NAGPA: variants seen among roughly 807,000 people sequenced by gnomAD.
NAGPA encodes the protein alpha-N-acetylglucosaminyl phosphodiesterase.
Under a neutral mutation model 48.5 loss-of-function variants are expected in NAGPA, and 56 were observed. The ratio of observed to expected loss-of-function variants is 1.15; its 90% confidence interval spans 0.93 to 1.44. NAGPA has a LOEUF of 1.44. Ranked by LOEUF, NAGPA falls within the 40% of genes most tolerant of loss-of-function variation. The probability of loss-of-function intolerance (pLI) is 0.00; values close to 1 mark genes in which losing one functional copy is unlikely to be tolerated. For missense variants in NAGPA, 888 were observed against 735.0 expected, an observed-to-expected ratio of 1.21 and a Z score of -2.41; for synonymous variants, 399 against 315.5, an observed-to-expected ratio of 1.26 and a Z score of -2.81.
At chr16:5,030,580 C>T (rs191407846) in intron 3 of NAGPA, 87 bp from the exon 4 acceptor site, 5 of 1,063,390 alleles carry the variant, frequency 4.7e-6, no homozygotes, top group Non-Finnish European at 7.1e-6. Context: ...GTCTGAGCTA[C>T]CTGGTACCTC....
intron 2 of NAGPA, among the ~76,000 whole-genome samples, chr16:5,032,748 T>C (rs1956124807): frequency 6.6e-6 from 1 of 152,202 alleles, no homozygotes; most frequent in South Asian, 2.1e-4. Flanking sequence ...CAGTCCCTCA[T>C]ACACACAAGC....
intron 4 of NAGPA, 134 bp from the exon 5 acceptor site, chr16:5,029,142 G>C: frequency 6.9e-7 from 1 of 1,448,658 alleles, no homozygotes; most frequent in Non-Finnish European, 9.5e-7. Flanking sequence ...CCCCAAGCAT[G>C]TCTCATCCTA....
Position 5,027,241 on chromosome 16 carries a change from CGTCTGCCCATACCCCTCCCCTTGGAG to C in NAGPA, c.1276+11_1276+36del. 6.2e-7 allele frequency: 1 copy of C among 1,614,140 alleles called. No individual in the cohort carries two copies. Among genetic ancestry groups the C allele is most frequent in the South Asian group, 1.1e-5 (1 of 91,082 alleles). Reference sequence around the variant, plus strand: ...CAGGCTGAAGGGGCCGGAGCAGGAGCGTCTGCCCATACCCCTCCCCTTGGAGGGATAGGTACCTCTGGAGACGCTGC... The same window carrying C: ...CAGGCTGAAGGGGCCGGAGCAGGAGCGGATAGGTACCTCTGGAGACGCTGC... On this transcript the variant is annotated intron_variant, in intron 8 of 9. Coordinates refer to ENST00000312251, the MANE Select transcript of NAGPA (RefSeq NM_016256.4).
intron 2 of NAGPA, among the ~76,000 whole-genome samples, chr16:5,032,440 G>C (rs2142568259): frequency 6.6e-6 from 1 of 152,140 alleles, no homozygotes; most frequent in Non-Finnish European, 1.5e-5. Flanking sequence ...TGGATCACTT[G>C]AGGTCAGGAG....
At chr16:5,031,396 C>T in intron 3 of NAGPA, 1 of 344,800 alleles carries the variant, frequency 2.9e-6, no homozygotes, top group South Asian at 2.4e-5. Context: ...GGGTGTGGGG[C>T]TTTGAAACAA....
At chr16:5,030,609 C>T (rs1226947937) in intron 3 of NAGPA, 116 bp from the exon 4 acceptor site, 1 of 861,562 alleles carries the variant, frequency 1.2e-6, no homozygotes, top group East Asian at 2.6e-5. Flanking sequence ...GCACAGCAGC[C>T]TCCTTGCTCG....
chr16:5,031,458 C>T (rs192758207), intron 3 of NAGPA: 84 of 415,294 alleles, frequency 2.0e-4, no homozygotes, highest in Middle Eastern at 7.4e-4. Flanking sequence ...TTTCTCTTCA[C>T]TTTTCTCTTC....
chr16:5,031,420 G>A (rs1163294055), intron 3 of NAGPA: 2 of 357,398 alleles, frequency 5.6e-6, no homozygotes, highest in Non-Finnish European at 5.4e-6. Flanking sequence ...CCTGGGCCAC[G>A]CCGATGTTGC....
rs1956144027 is a variant in NAGPA at position 5,033,519 on chromosome 16, T to C, written c.296A>G (p.Glu99Gly). 1 of 1,522,816 alleles carries C rather than the reference T, an allele frequency of 6.6e-7. No individual in the cohort carries two copies. Among genetic ancestry groups the C allele is most frequent in the South Asian group, 1.2e-5 (1 of 82,972 alleles). 94.3% of individuals were successfully genotyped at this position (1,522,816 alleles called of 1,614,324 possible). ...CAGCACCGAGAAGGTGCGCAGGGGCTCAACGGCCCGCGTCAGGTGGCCGGC... is the reference window on the plus strand; with the variant it reads ...CAGCACCGAGAAGGTGCGCAGGGGCCCAACGGCCCGCGTCAGGTGGCCGGC... ...AVAGHLTRAV[E>G]PLRTFSVLEP... is the part of the protein sequence containing the mutation. Residue 99 changes from glutamate (E) to glycine (G), a missense_variant, in exon 2 of 10, where the codon GAG (glutamate) becomes GGG (glycine). Glu to Gly is a moderately conservative substitution (Grantham distance 98, BLOSUM62 -2). Transcript: ENST00000312251. This position sits in a 1 kb window ranked among gnomAD's most constrained non-coding sequence, Gnocchi z 4.2.
intron 9 of NAGPA, among the ~76,000 whole-genome samples, chr16:5,026,287 T>G (rs1033819926): frequency 6.7e-6 from 1 of 148,796 alleles, no homozygotes. Flanking sequence ...TGCTCATGCC[T>G]GCAATCCCAG....
rs774364501 is a variant in NAGPA at position 5,025,667 on chromosome 16, G to T, written c.1359C>A (p.Leu453=). Residue 453 remains leucine (L), a synonymous_variant, in exon 10 of 10, where the codon CTC becomes CTA. Coordinates refer to ENST00000312251, the MANE Select transcript of NAGPA (RefSeq NM_016256.4). ...GCAGGAGGAAGGCCAGCGCCAGGGT[G>T]AGGGCTAGCCAGGCGGTCCTGCAGA... ...SFFTRTAWLA[L]TLALAFLLLI... 2.1e-5 allele frequency: 34 copies of T among 1,611,362 alleles called. No homozygotes were observed. Among genetic ancestry groups the T allele is most frequent in the Non-Finnish European group, 2.6e-5 (31 of 1,179,008 alleles).
chr16:5,031,182 G>A (rs1039532243), intron 3 of NAGPA: 3 of 170,080 alleles, frequency 1.8e-5, no homozygotes, highest in Admixed American at 5.6e-5. Context: ...CGATCCTCCC[G>A]CCTCGGCCTC....
intron 2 of NAGPA, 114 bp from the exon 3 acceptor site, chr16:5,031,998 G>T (rs1956108532): frequency 2.1e-6 from 3 of 1,428,176 alleles, no homozygotes; most frequent in South Asian, 2.4e-5. Context: ...CATGCCCCAG[G>T]AACCTCCTGG....
chr16:5,033,905 A>C lies in NAGPA; in HGVS notation c.10T>G (p.Ser4Ala). 6.5e-7 allele frequency: 1 copy of C among 1,549,140 alleles called. No individual in the cohort carries two copies. The highest frequency in any genetic ancestry group is 8.7e-7 in the Non-Finnish European group (1 of 1,146,874). MAT[S>A]TGRWLLLRLA... The stretch of plus-strand genomic sequence containing the variant: ...CGGAGGAGAAGCCAGCGACCCGTGG[A>C]GGTCGCCATATTGGACCGGGGCCTC... Residue 4 changes from serine (S) to alanine (A), a missense_variant, in exon 1 of 10, where the codon TCC (serine) becomes GCC (alanine). Physicochemically the swap from Ser to Ala is moderately conservative, Grantham distance 99. Transcript: ENST00000312251. The surrounding 1 kb of genome is among the most constrained non-coding windows in gnomAD (Gnocchi z 4.2).
At chr16:5,026,466 G>A (rs1033441601) in intron 9 of NAGPA, among the ~76,000 whole-genome samples, 5 of 152,060 alleles carry the variant, frequency 3.3e-5, no homozygotes, top group Admixed American at 3.3e-4. Flanking sequence ...CCCAGGAGGC[G>A]GAGGTTGTGG....
At chr16:5,031,173 G>C (rs537205570) in intron 3 of NAGPA, 4 of 170,378 alleles carry the variant, frequency 2.3e-5, no homozygotes, top group African/African-American at 9.6e-5. Flanking sequence ...GGGCTCAACC[G>C]ATCCTCCCGC....
intron 3 of NAGPA, 66 bp downstream of exon 3, chr16:5,031,679 C>G: frequency 6.2e-7 from 1 of 1,605,884 alleles, no homozygotes; most frequent in East Asian, 2.2e-5. Flanking sequence ...GACTTAAGAA[C>G]AGCTCCGCCC....
chr16:5,024,956 C>T lies in NAGPA; in HGVS notation c.*522G>A, dbSNP rs996389823. On this transcript the variant is annotated 3_prime_UTR_variant, in exon 10 of 10. Transcript: ENST00000312251. ...AACAGGTCTGTAAACATGATCTCATCCCCCCATCCCTTCTTCCAAGGAGCT... is the reference window on the plus strand; with the variant it reads ...AACAGGTCTGTAAACATGATCTCATTCCCCCATCCCTTCTTCCAAGGAGCT... 8.0e-5 allele frequency: 13 copies of T among 161,990 alleles called. No homozygotes were observed. The highest frequency in any genetic ancestry group is 2.2e-4 in the African/African-American group (9 of 41,604). The allele number at this position is 161,990 out of a possible 1,614,324, so 10.0% of individuals were successfully genotyped here.
Position 5,025,434 on chromosome 16 carries a change from G to A in NAGPA, c.*44C>T, listed in dbSNP as rs1433029037. 3 of 1,605,066 alleles carry A rather than the reference G, an allele frequency of 1.9e-6. No individual in the cohort carries two copies. The African/African-American group carries it at 4.0e-5, about 21-fold the overall frequency. ...TTCCCCTGCAGAAGCCAGACCGTGG[G>A]GAAACAAGCTTTCGCGACGTGCCAC... On this transcript the variant is annotated 3_prime_UTR_variant, in exon 10 of 10. Transcript: ENST00000312251.
Sources: gnomAD v4.1 joint callset for allele counts (sites outside exome capture counted in the v4.1 genomes callset) on GRCh38, gnomAD v4.1.1 for gene constraint, Gnocchi (gnomAD v3.1) non-coding constraint, MANE v1.5 for transcripts, NCBI Gene and HGNC (gene_info 2026-07-23, HGNC 2026-07-21) for gene names.